The following UNC13A variants were observed in gnomAD, a reference collection of about 807,000 sequenced individuals.
UNC13A encodes the protein protein unc-13 homolog A.
In UNC13A, 61 loss-of-function variants were observed where a neutral mutation model predicts 219.7. That is an observed-to-expected ratio of 0.28 (90% CI 0.23 to 0.34). UNC13A has a LOEUF of 0.34. UNC13A is among the 10% of genes least tolerant of loss of function. The pLI, the probability that UNC13A is intolerant of heterozygous loss-of-function variation, is 1.00. For missense variants in UNC13A, 1,476 were observed against 2,270.3 expected (o/e 0.65, Z 7.11); for synonymous variants, 920 against 884.6 (o/e 1.04, Z -0.71).
chr19:17,639,386 A>G (rs1248921294), intron 24 of UNC13A, 50 bp downstream of exon 24: 2 of 1,586,602 alleles, frequency 1.3e-6, no homozygotes, highest in Non-Finnish European at 8.6e-7. Flanking sequence ...GGAGCTGGGG[A>G]TCCTAGAGAA....
chr19:17,651,198 A>G (rs1599379265), intron 12 of UNC13A, among the ~76,000 whole-genome samples: 1 of 151,648 alleles, frequency 6.6e-6, no homozygotes, highest in East Asian at 1.9e-4. Context: ...TAGGCCTCCC[A>G]AAGTGCTGGG....
rs1464157627 is a variant in UNC13A at position 17,656,326 on chromosome 19, G to A, written c.840C>T (p.Phe280=). ...CCTGCAGGCTGTGCTCGTCAGGGTCGAAGTCCTCGCTCAGCTGAGAGCTTC... is the reference window on the plus strand; with the variant it reads ...CCTGCAGGCTGTGCTCGTCAGGGTCAAAGTCCTCGCTCAGCTGAGAGCTTC... The part of the protein sequence containing the change: ...SQGSSQLSED[F]DPDEHSLQGS... Residue 280 remains phenylalanine (F), a synonymous_variant, in exon 10 of 44, where the codon TTC becomes TTT. Transcript: ENST00000519716. 16 of 1,558,018 alleles carry A rather than the reference G, an allele frequency of 1.0e-5. No individual in the cohort carries two copies. In the East Asian group the frequency reaches 1.9e-4, roughly 19 times the overall value.
chr19:17,641,744 C>T (rs1288208716), intron 20 of UNC13A, among the ~76,000 whole-genome samples, 188 bp from the exon 21 acceptor site: 1 of 152,008 alleles, frequency 6.6e-6, no homozygotes, highest in Non-Finnish European at 1.5e-5. Flanking sequence ...ACTCTTCCAA[C>T]CTTTCAGTAA....
chr19:17,679,868 C>T (rs1004272866), intron 1 of UNC13A, among the ~76,000 whole-genome samples: 2 of 152,134 alleles, frequency 1.3e-5, no homozygotes, highest in Non-Finnish European at 2.9e-5. Flanking sequence ...TTCCTGCAGC[C>T]TCTCTTGGCT....
Position 17,670,907 on chromosome 19 carries a change from G to GTAAAATAAAATAAAATAAAATAAAA in UNC13A, c.271-1256_271-1232dup, listed in dbSNP as rs58942725. Among the ~76,000 whole-genome samples, 789 of 128,614 alleles carry GTAAAATAAAATAAAATAAAATAAAA rather than the reference G, an allele frequency of 6.1e-3. 9 individuals carry two copies. The highest frequency in any genetic ancestry group is 0.023 in the African/African-American group (768 of 33,726). 84.4% of individuals were successfully genotyped at this position (128,614 alleles called of 152,430 possible). A position where few individuals can be genotyped will look rare whatever the true frequency, so the allele number is the denominator to read the frequency against. ...TGACAGAGTGAGACTCCATCTCACAGTAAAATAAAATAAAATAAAATAAAA... is the reference window on the plus strand; with the variant it reads ...TGACAGAGTGAGACTCCATCTCACAGTAAAATAAAATAAAATAAAATAAAATAAAATAAAATAAAATAAAATAAAA... On this transcript the variant is annotated intron_variant, in intron 4 of 43. Coordinates refer to ENST00000519716, the MANE Select transcript of UNC13A (RefSeq NM_001080421.3).
chr19:17,679,007 C>G (rs2079955150), intron 1 of UNC13A, among the ~76,000 whole-genome samples: 1 of 152,028 alleles, frequency 6.6e-6, no homozygotes, highest in South Asian at 2.1e-4. Context: ...GCCTGTAATC[C>G]CAGCTACTAG....
At chr19:17,679,408 TATAATAATA>T (rs548278832) in intron 1 of UNC13A, among the ~76,000 whole-genome samples, 2 of 149,316 alleles carry the variant, frequency 1.3e-5, no homozygotes, top group Non-Finnish European at 3.0e-5. Context: ...TCAAAAAATA[TATAATAATA>T]ATAATAATAA....
In UNC13A at chr19:17,646,038, C is replaced by T. The variant is rs1599371972; in HGVS notation, c.2118G>A (p.Gly706=). The change falls in exon 18 of 44, where the codon GGG becomes GGA. Residue 706 remains glycine (G), a synonymous_variant. Transcript: ENST00000519716. ...TGGTTTTTGTCCGTTTCTTGGTCTT[C>T]CCGACCTGGACGGTGACATAGGGGT... is the stretch of plus-strand genomic sequence containing the variant. ...SSDPYVTVQV[G]KTKKRTKTIY... 1.9e-6 allele frequency: 3 copies of T among 1,613,886 alleles called. No individual in the cohort carries two copies. The East Asian group carries it at 6.7e-5, about 36-fold the overall frequency.
chr19:17,665,138 T>C (rs1461743269), intron 7 of UNC13A, among the ~76,000 whole-genome samples: 1 of 151,050 alleles, frequency 6.6e-6, no homozygotes, highest in South Asian at 2.1e-4. Context: ...AGGCAGAGGC[T>C]GCAGTGAGCC....
chr19:17,628,881 G>A (rs190952458), intron 31 of UNC13A, among the ~76,000 whole-genome samples: 1 of 151,716 alleles, frequency 6.6e-6, no homozygotes, highest in Admixed American at 6.6e-5. Context: ...TGCACAGTTG[G>A]ACTCACACAC....
At chr19:17,665,071 G>A (rs1420475237) in intron 7 of UNC13A, among the ~76,000 whole-genome samples, 1 of 152,116 alleles carries the variant, frequency 6.6e-6, no homozygotes, top group Non-Finnish European at 1.5e-5. Flanking sequence ...GTGGTGGCAT[G>A]TGCCTGTAAT....
At chr19:17,681,069 CTTTTT>C (rs71929988) in intron 1 of UNC13A, among the ~76,000 whole-genome samples, 3 of 96,076 alleles carry the variant, frequency 3.1e-5, no homozygotes, top group African/African-American at 4.4e-5. Context: ...TTGGCTATTC[CTTTTT>C]TTTTTTTTTT....
chr19:17,660,203 A>G (rs1440275278), intron 8 of UNC13A, among the ~76,000 whole-genome samples: 1 of 152,000 alleles, frequency 6.6e-6, no homozygotes, highest in Non-Finnish European at 1.5e-5. Flanking sequence ...GCCGGCCAGC[A>G]TTCTTTCTAT....
chr19:17,657,259 C>G (rs1599387135), intron 9 of UNC13A, among the ~76,000 whole-genome samples: 1 of 152,208 alleles, frequency 6.6e-6, no homozygotes, highest in African/African-American at 2.4e-5. Flanking sequence ...CTCCTCCATT[C>G]CGGCCACGCT....
chr19:17,660,734 G>A (rs148813320), intron 8 of UNC13A, among the ~76,000 whole-genome samples: 31 of 151,840 alleles, frequency 2.0e-4, no homozygotes, highest in South Asian at 2.1e-4. Context: ...GTTTCGTCAC[G>A]TTGGCCAGGC....
intron 1 of UNC13A, among the ~76,000 whole-genome samples, chr19:17,677,838 G>T (rs1353897890): frequency 6.6e-6 from 1 of 152,110 alleles, no homozygotes; most frequent in African/African-American, 2.4e-5. Context: ...TGCAATCAAC[G>T]TTGGCAGTTC....
At chr19:17,618,861 T>TC (rs1480881433) in intron 39 of UNC13A, 45 bp downstream of exon 39, 1 of 1,588,112 alleles carries the variant, frequency 6.3e-7, no homozygotes, top group South Asian at 1.1e-5. Flanking sequence ...GCCACATGAG[T>TC]TTGGGGGGCA....
chr19:17,675,972 A>T, intron 2 of UNC13A, 40 bp downstream of exon 2: 1 of 1,550,576 alleles, frequency 6.4e-7, no homozygotes, highest in Non-Finnish European at 8.7e-7. Flanking sequence ...AGACAGACAG[A>T]CAGACAACAC....
chr19:17,657,019 C>T (rs1056559700), intron 9 of UNC13A, among the ~76,000 whole-genome samples: 3 of 152,108 alleles, frequency 2.0e-5, no homozygotes, highest in Non-Finnish European at 4.4e-5. Flanking sequence ...CATCCACTTC[C>T]CCGTACCCCG....
Sources: gnomAD v4.1 joint callset for allele counts (sites outside exome capture counted in the v4.1 genomes callset) on GRCh38, gnomAD v4.1.1 for gene constraint, MANE v1.5 for transcripts, NCBI Gene and HGNC (gene_info 2026-07-23, HGNC 2026-07-21) for gene names.